CYGB: variants seen among roughly 807,000 people sequenced by gnomAD.
CYGB encodes the protein cytoglobin.
A neutral mutation model predicts 20.7 loss-of-function variants in CYGB; 13 were observed. That is an observed-to-expected ratio of 0.63 (90% CI 0.41 to 1.00). The LOEUF is 1.00. CYGB is among the 50% of genes least tolerant of loss of function. CYGB has a pLI of 0.00. For missense variants in CYGB, 218 were observed against 257.2 expected, an observed-to-expected ratio of 0.85 and a Z score of 1.04; for synonymous variants, 93 against 107.4, an observed-to-expected ratio of 0.87 and a Z score of 0.83.
rs776290973 is a variant in CYGB, at chr17:76,531,673, G to A, written c.162C>T (p.Pro54=). The change falls in exon 2 of 4, where the codon CCC becomes CCT. Residue 54 remains proline (P), a synonymous_variant. Transcript: ENST00000293230. This position sits in a 1 kb window ranked among gnomAD's most constrained non-coding sequence, Gnocchi z 7.4. ...ACTGGCTGAAGTACTGCTTGGCCGA[G>A]GGGAAGTTCACAAAGAACCTGGCAA... ...AILVRFFVNF[P]SAKQYFSQFK... is the part of the protein sequence containing the mutation. The A allele has an allele frequency of 1.3e-6, 2 of 1,596,442 alleles. No individual in the cohort carries two copies. Among genetic ancestry groups the A allele is most frequent in the Non-Finnish European group, 1.7e-6 (2 of 1,165,456 alleles).
chr17:76,541,834 T>C (rs1194665672), upstream of CYGB, among the ~76,000 whole-genome samples: 3 of 152,086 alleles, frequency 2.0e-5, no homozygotes, highest in Admixed American at 1.3e-4. Flanking sequence ...GGAAAGACTA[T>C]GGGGGAAATT....
In CYGB at chr17:76,537,506, T is replaced by C; in HGVS notation, c.37A>G (p.Arg13Gly). ...TCGGACAGCTCCTCGCTCCGCTCCC[T>C]GCGCTCGATCTCCATCTCGCCTGGC... Reference protein sequence around the residue: ...KVPGEMEIERRERSEELSEAE... With the variant: ...KVPGEMEIERGERSEELSEAE... Residue 13 changes from arginine to glycine, a missense_variant, in exon 1 of 4, where the codon AGG becomes GGG. Physicochemically the swap from Arg to Gly is moderately radical, Grantham distance 125 (BLOSUM62 -2). Around this residue, in one of 2 missense-constraint regions of CYGB, gnomAD observed 152 missense variants for 149.9 expected, o/e 1.01. Coordinates refer to ENST00000293230, the MANE Select transcript of CYGB (RefSeq NM_134268.5). The C allele has an allele frequency of 6.3e-7, 1 of 1,578,218 alleles. No individual in the cohort carries two copies. Among genetic ancestry groups the C allele is most frequent in the Non-Finnish European group, 8.6e-7 (1 of 1,164,144 alleles).
chr17:76,550,462 A>G (rs2075099306), intron 1 of CYGB: 1 of 151,834 alleles, frequency 6.6e-6, no homozygotes, highest in South Asian at 2.1e-4. Flanking sequence ...GGGTTTCGCC[A>G]CGTTGGCCAG....
At chr17:76,540,292 G>T, upstream of CYGB, 1 of 1,461,486 alleles carries the variant, frequency 6.8e-7, no homozygotes, top group South Asian at 1.2e-5. The surrounding 1 kb of genome is among the most constrained non-coding windows in gnomAD (Gnocchi z 5.0). Flanking sequence ...CCAAGCTGAA[G>T]GTGGGCAGGG....
intron 1 of CYGB, among the ~76,000 whole-genome samples, chr17:76,534,006 C>G (rs1308692543): frequency 1.3e-5 from 2 of 152,152 alleles, no homozygotes; most frequent in Non-Finnish European, 2.9e-5. Context: ...CCACCGTACT[C>G]CAGCTTGGGT....
At chr17:76,540,504 G>C (rs1331368663), upstream of CYGB, 2 of 1,613,620 alleles carry the variant, frequency 1.2e-6, no homozygotes, top group Non-Finnish European at 1.7e-6. This position sits in a 1 kb window ranked among gnomAD's most constrained non-coding sequence, Gnocchi z 5.0. Context: ...GCCTCCCACA[G>C]AGAGCCCAGC....
intron 1 of CYGB, chr17:76,543,082 G>A: frequency 2.1e-6 from 1 of 471,628 alleles, no homozygotes; most frequent in Non-Finnish European, 4.4e-6. Context: ...AGCTGCAGCA[G>A]CGGCAAGAGG....
chr17:76,544,307 T>TG (rs1244765615), intron 1 of CYGB: 1 of 454,330 alleles, frequency 2.2e-6, no homozygotes, highest in Admixed American at 2.3e-5. Context: ...CAGTAGAAGA[T>TG]GGAGTTCTCT....
rs956479451 is a variant in CYGB at position 76,530,494 on chromosome 17, G to A, written c.539+485C>T. ...GGCTGGGGTGTGTGTGTGTGTGTAT[G>A]TGTCCTCGTGATCCTCCGGGCTCTA... On this transcript the variant is annotated intron_variant, in intron 3 of 3. Coordinates refer to ENST00000293230, the MANE Select transcript of CYGB (RefSeq NM_134268.5). The surrounding 1 kb of genome is among the most constrained non-coding windows in gnomAD (Gnocchi z 6.1). 2.0e-5 allele frequency among the ~76,000 whole-genome samples: 3 copies of A among 152,172 alleles called. No individual in the cohort carries two copies. The highest frequency in any genetic ancestry group is 4.4e-5 in the Non-Finnish European group (3 of 68,026).
In CYGB at chr17:76,531,520, C is replaced by T. The variant is rs770994282; in HGVS notation, c.315G>A (p.Val105=). The T allele has an allele frequency of 6.2e-7, 1 of 1,614,078 alleles. No individual in the cohort carries two copies. The highest frequency in any genetic ancestry group is 1.1e-5 in the South Asian group (1 of 91,090). The change falls in exon 2 of 4, where the codon GTG becomes GTA. Residue 105 remains valine, a synonymous_variant. Coordinates refer to ENST00000293230, the MANE Select transcript of CYGB (RefSeq NM_134268.5). The surrounding 1 kb of genome is among the most constrained non-coding windows in gnomAD (Gnocchi z 7.4). ...CGTGGGCTTTCCCCACAAGGGCGAG[C>T]ACAGAGGACACCTTGTCGGGGTCAT... ...NLHDPDKVSS[V]LALVGKAHAL...
rs114517086 is a variant in CYGB, at chr17:76,530,340, C to T, written c.539+639G>A. 0.026 allele frequency among the ~76,000 whole-genome samples: 4,009 copies of T among 152,186 alleles called. 178 individuals are homozygous for T. The highest frequency in any genetic ancestry group is 0.088 in the African/African-American group (3,654 of 41,502). ...TCACGCTCCGAGTCAGCAGGAGTCA[C>T]AGAGGGCGGCCACCCTCCTTGAGCC... On this transcript the variant is annotated intron_variant, in intron 3 of 3. Transcript: ENST00000293230. This position sits in a 1 kb window ranked among gnomAD's most constrained non-coding sequence, Gnocchi z 6.1.
chr17:76,538,448 G>A (rs1207657975), upstream of CYGB: 3 of 466,610 alleles, frequency 6.4e-6, no homozygotes, highest in East Asian at 2.2e-4. Context: ...CATGCCCTCG[G>A]TGCACGAACG....
upstream of CYGB, chr17:76,540,592 C>T: frequency 1.9e-6 from 3 of 1,611,680 alleles, no homozygotes; most frequent in Non-Finnish European, 2.5e-6. The surrounding 1 kb of genome is among the most constrained non-coding windows in gnomAD (Gnocchi z 5.0). Context: ...GGAGTCTGGG[C>T]TGGGGGAGGG....
rs773653945 is a variant in CYGB, at chr17:76,531,421, G to T, written c.375+39C>A. The T allele has an allele frequency of 1.3e-6, 2 of 1,586,590 alleles. No homozygotes were observed. Among genetic ancestry groups the T allele is most frequent in the East Asian group, 2.3e-5 (1 of 44,226 alleles). ...TGCGAGCTGCAGATGGCCATGACGC[G>T]TGGGCGGTGGGGGCTCTGCAGCAGA... is the stretch of plus-strand genomic sequence containing the variant. On this transcript the variant is annotated intron_variant, in intron 2 of 3. Transcript: ENST00000293230. The surrounding 1 kb of genome is among the most constrained non-coding windows in gnomAD (Gnocchi z 7.4).
chr17:76,529,401 C>T (rs989769946), intron 3 of CYGB: 49 of 985,224 alleles, frequency 5.0e-5, no homozygotes, highest in Non-Finnish European at 5.5e-5. Flanking sequence ...AGACTTCGGC[C>T]GTTTCAAAAT....
intron 1 of CYGB, chr17:76,542,713 G>A (rs1466805813): frequency 2.3e-6 from 2 of 877,560 alleles, no homozygotes; most frequent in Admixed American, 3.8e-5. Context: ...TCCCGGCCAT[G>A]TGGGAGGATA....
intron 1 of CYGB, chr17:76,543,945 G>A: frequency 2.1e-6 from 1 of 469,222 alleles, no homozygotes; most frequent in Non-Finnish European, 4.4e-6. Flanking sequence ...ATGTGTGCAA[G>A]CGCGTGTGTT....
chr17:76,544,240 C>A lies in CYGB; in HGVS notation c.-53+6622G>T, dbSNP rs144319284. 1.8e-3 allele frequency: 834 copies of A among 454,584 alleles called. 10 individuals are homozygous for A. Among genetic ancestry groups the A allele is most frequent in the South Asian group, 1.8e-3 (116 of 64,480 alleles). 28.2% of individuals were successfully genotyped at this position (454,584 alleles called of 1,614,324 possible). On this transcript the variant is annotated intron_variant, in intron 1 of 3. Transcript: ENST00000589145. The stretch of plus-strand genomic sequence containing the variant: ...GCGTCTCTCCTCCCCAGCCAGCCCC[C>A]CTCCCAGCCCAGCGGCGATGTCTCT...
At chr17:76,529,674 T>C in intron 3 of CYGB, 1 of 985,360 alleles carries the variant, frequency 1.0e-6, no homozygotes, top group Non-Finnish European at 1.2e-6. Context: ...CCCCCTCCCC[T>C]CCTCTTCCCC....
Sources: gnomAD v4.1 joint callset for allele counts (sites outside exome capture counted in the v4.1 genomes callset) on GRCh38, gnomAD v4.1.1 for gene constraint, gnomAD v4.1.1 regional missense constraint, Gnocchi (gnomAD v3.1) non-coding constraint, MANE v1.5 for transcripts, NCBI Gene and HGNC (gene_info 2026-07-23, HGNC 2026-07-21) for gene names.